FLYWCH1: variants seen among roughly 807,000 people sequenced by gnomAD.
FLYWCH1 encodes the protein FLYWCH-type zinc finger-containing protein 1.
FLYWCH1 carries 75 observed loss-of-function variants against 66.4 expected under a neutral mutation model. The ratio of observed to expected loss-of-function variants is 1.13; its 90% CI spans 0.94 to 1.37. The LOEUF is 1.37. Ranked by LOEUF, FLYWCH1 falls within the 40% of genes most tolerant of loss-of-function variation. The pLI, the probability that FLYWCH1 is intolerant of heterozygous loss-of-function variation, is 0.00. For missense variants in FLYWCH1, 1,334 were observed against 1,001.8 expected (o/e 1.33, Z -4.48); for synonymous variants, 595 against 429.9 (o/e 1.38, Z -4.75).
rs373999632 is a variant in FLYWCH1, at chr16:2,938,272, G to A, written c.1866G>A (p.Ala622=). Residue 622 remains alanine, a synonymous_variant, in exon 8 of 10, where the codon GCG becomes GCA. Transcript: ENST00000253928. ...CCTTCCTCTACAGGAAGGAGAAGGC[G>A]GCTGGGGAGAAGGTGTACTGGATGT... ...HESFLYRKEK[A]AGEKVYWMCR... 1.4e-4 allele frequency: 230 copies of A among 1,612,874 alleles called. No homozygotes were observed. Among genetic ancestry groups the A allele is most frequent in the Non-Finnish European group, 1.7e-4 (203 of 1,179,528 alleles).
rs1195629463 is a variant in FLYWCH1 at position 2,930,789 on chromosome 16, G to A, written c.705G>A (p.Val235=). ...AGCCCGAGCCCACTCCTGGGCTGGT[G>A]CTGAGCAAGCCGGCCCTGGAGGAGG... is the stretch of plus-strand genomic sequence containing the variant. ...PEEPEPTPGL[V]LSKPALEEEE... Residue 235 remains valine (V), a synonymous_variant, in exon 4 of 10, where the codon GTG becomes GTA. Transcript: ENST00000253928. 3 of 1,593,430 alleles carry A rather than the reference G, an allele frequency of 1.9e-6. No homozygotes were observed. Among genetic ancestry groups the A allele is most frequent in the Non-Finnish European group, 2.6e-6 (3 of 1,174,566 alleles).
chr16:2,933,922 C>G lies in FLYWCH1; in HGVS notation c.1456C>G (p.Leu486Val). The G allele has an allele frequency of 6.4e-7, 1 of 1,571,152 alleles. No homozygotes were observed. The highest frequency in any genetic ancestry group is 8.6e-7 in the Non-Finnish European group (1 of 1,158,462). ...CTGCCACCCGCCCGACCTGGGAGGCCTGGAGGCCCTGAGGCAGCGGGAGAA... is the reference window on the plus strand; with the variant it reads ...CTGCCACCCGCCCGACCTGGGAGGCGTGGAGGCCCTGAGGCAGCGGGAGAA... ...GHCHPPDLGG[L>V]EALRQREKRP... Residue 486 changes from leucine to valine, a missense_variant, in exon 6 of 10, where the codon CTG (leucine) becomes GTG (valine). By Grantham distance (32) the Leu-to-Val change is conservative. Transcript: ENST00000253928.
chr16:2,928,006 G>T (rs1197264522), intron 2 of FLYWCH1, among the ~76,000 whole-genome samples: 3 of 152,192 alleles, frequency 2.0e-5, no homozygotes, highest in Non-Finnish European at 4.4e-5. Flanking sequence ...TGTGAGCAAA[G>T]GAATCTGTAT....
intron 6 of FLYWCH1, chr16:2,936,376 C>A (rs746553319): frequency 2.2e-6 from 1 of 456,592 alleles, no homozygotes; most frequent in Non-Finnish European, 4.4e-6. Flanking sequence ...GCCTCCCGAG[C>A]CTCCCTGCTC....
chr16:2,934,579 C>G (rs1181641620), intron 6 of FLYWCH1: 1 of 450,764 alleles, frequency 2.2e-6, no homozygotes, highest in Non-Finnish European at 4.4e-6. Context: ...TCATCGTGGC[C>G]TCCTCCACTC....
At chr16:2,916,030 T>G (rs2070156072) in intron 2 of FLYWCH1, among the ~76,000 whole-genome samples, 1 of 152,070 alleles carries the variant, frequency 6.6e-6, no homozygotes. Flanking sequence ...GAAGTCTCCA[T>G]AAGGAAACTT....
At chr16:2,931,568 A>G (rs2070763083) in intron 4 of FLYWCH1, among the ~76,000 whole-genome samples, 2 of 151,912 alleles carry the variant, frequency 1.3e-5, no homozygotes, top group Non-Finnish European at 1.5e-5. Context: ...GTGAGCCGGG[A>G]TCACGCCACT....
intron 5 of FLYWCH1, 24 bp downstream of exon 5, chr16:2,933,606 C>A (rs766213266): frequency 3.2e-6 from 5 of 1,570,340 alleles, no homozygotes; most frequent in Non-Finnish European, 4.3e-6. Flanking sequence ...CTTTGGGGCT[C>A]ACCGGCCCTG....
At chr16:2,931,862 C>T (rs1465733135) in intron 4 of FLYWCH1, among the ~76,000 whole-genome samples, 1 of 150,808 alleles carries the variant, frequency 6.6e-6, no homozygotes, top group Non-Finnish European at 1.5e-5. Context: ...GCCTGTAATC[C>T]CAGCACTTTG....
chr16:2,914,860 G>A (rs1481373401), intron 2 of FLYWCH1, among the ~76,000 whole-genome samples: 1 of 147,674 alleles, frequency 6.8e-6, no homozygotes, highest in East Asian at 2.0e-4. Context: ...AGTGAGACAG[G>A]ATCGAGCCAC....
chr16:2,924,944 C>A (rs920064948), intron 2 of FLYWCH1, among the ~76,000 whole-genome samples: 1 of 152,242 alleles, frequency 6.6e-6, no homozygotes, highest in Non-Finnish European at 1.5e-5. Context: ...CCTGTCACTT[C>A]CTGTGACTCG....
Position 2,948,817 on chromosome 16 carries a change from C to G in FLYWCH1, c.*90C>G. On this transcript the variant is annotated 3_prime_UTR_variant, in exon 10 of 10. Transcript: ENST00000253928. ...TCCCATCCACCTAGGTTTGGCTTAG[C>G]AGAAACTTCTTTTCATTCTTCCAAA... is the stretch of plus-strand genomic sequence containing the variant. 2 of 1,180,544 alleles carry G rather than the reference C, an allele frequency of 1.7e-6. No homozygotes were observed. The highest frequency in any genetic ancestry group is 1.3e-6 in the Non-Finnish European group (1 of 794,032). The allele number at this position is 1,180,544 out of a possible 1,614,324, so 73.1% of individuals were successfully genotyped here. A position where few individuals can be genotyped will look rare whatever the true frequency, so the allele number is the denominator to read the frequency against.
chr16:2,945,262 C>T (rs536871065), intron 9 of FLYWCH1, among the ~76,000 whole-genome samples: 22 of 151,504 alleles, frequency 1.5e-4, no homozygotes, highest in African/African-American at 4.1e-4. Context: ...CCGAGGCAGG[C>T]GGATCACGAG....
intron 2 of FLYWCH1, chr16:2,928,953 G>A (rs148456077): frequency 6.6e-6 from 1 of 152,412 alleles, no homozygotes; most frequent in Non-Finnish European, 1.5e-5. Context: ...ATCTCCTGAA[G>A]TGGGGGTGGC....
In FLYWCH1 at chr16:2,938,229, G is replaced by A. The variant is rs2071100994; in HGVS notation, c.1823G>A (p.Arg608Lys). The A allele has an allele frequency of 6.2e-7, 1 of 1,613,214 alleles. No individual in the cohort carries two copies. The highest frequency in any genetic ancestry group is 8.5e-7 in the Non-Finnish European group (1 of 1,179,622). ...LEFLRTSLGG[R>K]FLVHESFLYR... ...TTCCTGAGGACTTCCCTGGGGGGCA[G>A]GTTCCTGGTGCACGAGTCCTTCCTC... The change falls in exon 8 of 10, where the codon AGG (arginine) becomes AAG (lysine). Residue 608 changes from arginine to lysine, a missense_variant. Physicochemically the swap from Arg to Lys is conservative, Grantham distance 26. Coordinates refer to ENST00000253928, the MANE Select transcript of FLYWCH1 (RefSeq NM_001308068.2).
At position 2,930,753 on chromosome 16, in the gene FLYWCH1, G is replaced by C. The variant is rs1382508521; in HGVS notation, c.669G>C (p.Gln223His). 2.5e-6 allele frequency: 4 copies of C among 1,568,916 alleles called. No individual in the cohort carries two copies. The East Asian group carries it at 9.4e-5, about 37-fold the overall frequency. The change falls in exon 4 of 10, where the codon CAG becomes CAC. Residue 223 changes from glutamine (Q) to histidine (H), a missense_variant. Physicochemically the swap from Gln to His is conservative, Grantham distance 24 (BLOSUM62 0). Transcript: ENST00000253928. ...CCCTGGAGGGGGTGGGCCCGTGGCA[G>C]TGCCCTGAGGAGCCCGAGCCCACTC... ...EEPLEGVGPW[Q>H]CPEEPEPTPG...
At chr16:2,933,083 G>T (rs2070828699) in intron 4 of FLYWCH1, 47 bp from the exon 5 acceptor site, 2 of 1,539,224 alleles carry the variant, frequency 1.3e-6, no homozygotes, top group Admixed American at 1.8e-5. Flanking sequence ...TCCCTCCTGG[G>T]CTCCTCTCCA....
intron 8 of FLYWCH1, 184 bp from the exon 9 acceptor site, chr16:2,939,848 G>A (rs910116481): frequency 5.2e-6 from 3 of 576,036 alleles, no homozygotes; most frequent in Non-Finnish European, 5.9e-6. Flanking sequence ...TCAACTCTTA[G>A]GAGCTCAAGT....
At chr16:2,948,590 C>A in intron 9 of FLYWCH1, 98 bp from the exon 10 acceptor site, 1 of 1,263,146 alleles carries the variant, frequency 7.9e-7, no homozygotes, top group Non-Finnish European at 1.2e-6. Flanking sequence ...ACTGTGGCAT[C>A]CCCAGGAAAA....
Sources: allele counts gnomAD v4.1 joint callset (sites outside exome capture counted in the v4.1 genomes callset), GRCh38; gene constraint gnomAD v4.1.1; transcripts MANE v1.5; gene names NCBI Gene and HGNC (gene_info 2026-07-23, HGNC 2026-07-21).